Variants in SEMA4D observed in about 807,000 individuals in gnomAD.
SEMA4D encodes semaphorin-4D.
Under a neutral mutation model 74.8 loss-of-function variants are expected in SEMA4D, and 22 were observed. The ratio of observed to expected loss-of-function variants is 0.29; its 90% CI spans 0.21 to 0.42. The LOEUF (loss-of-function observed/expected upper bound fraction) is 0.42. Among genes scored for constraint, SEMA4D ranks in the 10% least tolerant of loss-of-function variants. The pLI is 1.00. For synonymous variants in SEMA4D, 445 were observed against 463.7 expected (o/e 0.96, Z 0.52); for missense variants, 937 against 1,118.4 (o/e 0.84, Z 2.31).
chr9:89,453,314 T>A (rs1005450465), intron 2 of SEMA4D, among the ~76,000 whole-genome samples: 9 of 152,220 alleles, frequency 5.9e-5, no homozygotes, highest in African/African-American at 1.7e-4. Flanking sequence ...TCAAAGGAAT[T>A]CACTTTCTGC....
At chr9:89,377,145 C>T (rs1436339269), downstream of SEMA4D, 16 of 1,445,230 alleles carry the variant, frequency 1.1e-5, no homozygotes, top group South Asian at 3.0e-5. Flanking sequence ...CAGCAGGAAA[C>T]GGACAGAAAA....
chr9:89,430,971 C>G (rs1439664060), intron 2 of SEMA4D, among the ~76,000 whole-genome samples: 1 of 152,060 alleles, frequency 6.6e-6, no homozygotes, highest in Non-Finnish European at 1.5e-5. Context: ...AGCGAGACTC[C>G]ATCTTGAGGG....
intron 16 of SEMA4D, chr9:89,369,366 A>G (rs1834187182): frequency 6.6e-6 from 1 of 152,230 alleles, no homozygotes; most frequent in African/African-American, 2.4e-5. Context: ...GGCCATCCCA[A>G]ATCCAAATAT....
At chr9:89,363,592 C>T in intron 17 of SEMA4D, 2 of 1,604,534 alleles carry the variant, frequency 1.2e-6, no homozygotes, top group Non-Finnish European at 1.7e-6. Context: ...TTGATGCCCA[C>T]TGGCCACCTT....
intron 2 of SEMA4D, among the ~76,000 whole-genome samples, chr9:89,446,663 C>G (rs1852942708): frequency 6.6e-6 from 1 of 152,122 alleles, no homozygotes; most frequent in Non-Finnish European, 1.5e-5. Flanking sequence ...CTTCCCACTT[C>G]CCCTCAGCAG....
In SEMA4D at chr9:89,384,854, TGGC is replaced by T. The variant is rs897195962; in HGVS notation, c.1446+1510_1446+1512del. ...ACTGAACAGCCACTTCCTGCTGCCA[TGGC>T]CATGGAGCTGGGCCTTCCACCCCCA... On this transcript the variant is annotated intron_variant, in intron 13 of 15. Transcript: ENST00000422704. 7.1e-6 allele frequency: 7 copies of T among 985,348 alleles called. No individual in the cohort carries two copies. In the African/African-American group the frequency reaches 1.0e-4, roughly 15 times the overall value. 61.0% of individuals were successfully genotyped at this position (985,348 alleles called of 1,614,324 possible). A position where few individuals can be genotyped will look rare whatever the true frequency, so the allele number is the denominator to read the frequency against.
At chr9:89,460,752 C>T (rs575308963) in intron 1 of SEMA4D, among the ~76,000 whole-genome samples, 43 of 152,238 alleles carry the variant, frequency 2.8e-4, no homozygotes, top group Non-Finnish European at 5.3e-4. Context: ...CCCTCACAGA[C>T]ACGGGCATCC....
chr9:89,471,406 G>A (rs142697774), intron 1 of SEMA4D, among the ~76,000 whole-genome samples: 3 of 152,080 alleles, frequency 2.0e-5, no homozygotes, highest in Non-Finnish European at 4.4e-5. Context: ...TCTTCCACAA[G>A]AATAGATTTA....
chr9:89,401,421 A>T (rs143984024), intron 4 of SEMA4D, among the ~76,000 whole-genome samples: 1 of 152,358 alleles, frequency 6.6e-6, no homozygotes, highest in East Asian at 1.9e-4. Flanking sequence ...ATTGAGAAAT[A>T]AGCTAGACCC....
chr9:89,396,172 G>A (rs923078261), intron 6 of SEMA4D, among the ~76,000 whole-genome samples: 2 of 152,126 alleles, frequency 1.3e-5, no homozygotes, highest in Non-Finnish European at 2.9e-5. Context: ...CCCTGAGTGG[G>A]TGGACCCAGG....
At chr9:89,380,755 C>T (rs1457044084) in intron 15 of SEMA4D, among the ~76,000 whole-genome samples, 1 of 152,296 alleles carries the variant, frequency 6.6e-6, no homozygotes, top group South Asian at 2.1e-4. Context: ...TCCTTTCTCC[C>T]CATTTATAAC....
exon 19 of SEMA4D, chr9:89,361,810 C>G (rs536118083): frequency 6.5e-6 from 1 of 154,882 alleles, no homozygotes; most frequent in African/African-American, 2.4e-5. Context: ...TCGCATCTCA[C>G]AGTCATTCAA....
At chr9:89,490,094 C>T (rs1825510617) in intron 1 of SEMA4D, among the ~76,000 whole-genome samples, 1 of 151,514 alleles carries the variant, frequency 6.6e-6, no homozygotes, top group Admixed American at 6.6e-5. Context: ...CTTTGATTCA[C>T]ATTTCCCTAA....
intron 2 of SEMA4D, among the ~76,000 whole-genome samples, chr9:89,409,533 C>G (rs752852325): frequency 2.6e-5 from 4 of 152,156 alleles, no homozygotes; most frequent in Non-Finnish European, 5.9e-5. Context: ...TCTGTACCAC[C>G]TTCTCAATTT....
At chr9:89,460,908 G>A (rs1857050971) in intron 1 of SEMA4D, among the ~76,000 whole-genome samples, 1 of 152,192 alleles carries the variant, frequency 6.6e-6, no homozygotes, top group Non-Finnish European at 1.5e-5. Flanking sequence ...CACCACATAT[G>A]CCGAAGGGGA....
intron 2 of SEMA4D, among the ~76,000 whole-genome samples, chr9:89,429,425 AAAGC>A (rs1848780876): frequency 1.3e-5 from 2 of 152,286 alleles, no homozygotes; most frequent in Middle Eastern, 3.4e-3. Context: ...TGCAGCTAAG[AAAGC>A]AAGGCTTGGA....
intron 1 of SEMA4D, among the ~76,000 whole-genome samples, chr9:89,474,667 T>TCCC (rs1013704647): frequency 6.6e-6 from 1 of 152,020 alleles, no homozygotes; most frequent in Non-Finnish European, 1.5e-5. Flanking sequence ...TAAGCCACTC[T>TCCC]CCCCCAAGCT....
intron 16 of SEMA4D, chr9:89,368,897 T>C (rs1211112932): frequency 6.6e-6 from 1 of 152,220 alleles, no homozygotes; most frequent in Non-Finnish European, 1.5e-5. Flanking sequence ...CCTGGCTCCA[T>C]GGGGGGCCTG....
downstream of SEMA4D, among the ~76,000 whole-genome samples, chr9:89,376,094 T>G (rs1461707268): frequency 2.6e-5 from 4 of 152,220 alleles, no homozygotes; most frequent in African/African-American, 7.2e-5. Flanking sequence ...TGCCTTGGCC[T>G]CCCAAAGCAG....
Sources: gnomAD v4.1 joint callset for allele counts (sites outside exome capture counted in the v4.1 genomes callset) on GRCh38, gnomAD v4.1.1 for gene constraint, MANE v1.5 for transcripts, NCBI Gene and HGNC (gene_info 2026-07-23, HGNC 2026-07-21) for gene names.